Variants in NKAIN2 observed in about 807,000 individuals in gnomAD.
NKAIN2 encodes the protein sodium/potassium-transporting ATPase subunit beta-1-interacting protein 2.
In NKAIN2, 14 loss-of-function variants were observed where a neutral mutation model predicts 32.6. The ratio of observed to expected loss-of-function variants is 0.43; its 90% CI spans 0.28 to 0.67. The LOEUF (loss-of-function observed/expected upper bound fraction) is 0.67. NKAIN2 is among the 30% of genes least tolerant of loss of function. The pLI, the probability that NKAIN2 is intolerant of heterozygous loss-of-function variation, is 0.17. For synonymous variants in NKAIN2, 80 were observed against 87.2 expected (o/e 0.92, Z 0.46); for missense variants, 198 against 258.3 (o/e 0.77, Z 1.60).
chr6:124,274,820 T>G (rs1247597799), intron 1 of NKAIN2, among the ~76,000 whole-genome samples: 3 of 151,860 alleles, frequency 2.0e-5, no homozygotes, highest in African/African-American at 7.3e-5. Flanking sequence ...GATAAAAAAA[T>G]TAAGCTAAAA....
At chr6:124,014,974 ACT>A (rs1562309380) in intron 1 of NKAIN2, among the ~76,000 whole-genome samples, 1 of 152,020 alleles carries the variant, frequency 6.6e-6, no homozygotes, top group Non-Finnish European at 1.5e-5. Context: ...ACTCTTACAC[ACT>A]GTCTCTGATT....
At chr6:123,867,900 G>A (rs1582680579) in intron 1 of NKAIN2, among the ~76,000 whole-genome samples, 1 of 127,318 alleles carries the variant, frequency 7.9e-6, no homozygotes, top group East Asian at 2.3e-4. Context: ...ACAGAGTCTT[G>A]CTCTGTCGCC....
intron 2 of NKAIN2, among the ~76,000 whole-genome samples, chr6:124,285,562 C>T (rs768661769): frequency 6.6e-6 from 1 of 152,108 alleles, no homozygotes; most frequent in Non-Finnish European, 1.5e-5. Flanking sequence ...TGTCATTTGC[C>T]TCCTTATCTC....
chr6:124,067,742 T>C (rs1783259633), intron 1 of NKAIN2, among the ~76,000 whole-genome samples: 1 of 152,202 alleles, frequency 6.6e-6, no homozygotes, highest in East Asian at 1.9e-4. Flanking sequence ...TGACTAGATA[T>C]GTTTTGTCTT....
At chr6:123,863,038 C>T (rs1206281284) in intron 1 of NKAIN2, among the ~76,000 whole-genome samples, 2 of 152,104 alleles carry the variant, frequency 1.3e-5, no homozygotes, top group South Asian at 2.1e-4. Flanking sequence ...CTGTAGGATT[C>T]TCTAGGTGTA....
chr6:124,512,056 A>G (rs947319634), intron 3 of NKAIN2, among the ~76,000 whole-genome samples: 1 of 152,218 alleles, frequency 6.6e-6, no homozygotes, highest in Non-Finnish European at 1.5e-5. Context: ...TCTCCAGAGA[A>G]GATTAATGTC....
At chr6:124,261,731 G>A (rs1391423240) in intron 1 of NKAIN2, among the ~76,000 whole-genome samples, 1 of 152,018 alleles carries the variant, frequency 6.6e-6, no homozygotes, top group Non-Finnish European at 1.5e-5. Context: ...ATTGTGGCGT[G>A]CACCTGTAAT....
chr6:124,668,668 A>G (rs1772941462), intron 4 of NKAIN2, among the ~76,000 whole-genome samples: 1 of 152,170 alleles, frequency 6.6e-6, no homozygotes, highest in African/African-American at 2.4e-5. Flanking sequence ...TAGCATAAAA[A>G]CAATTTTTCC....
At chr6:124,497,706 T>G (rs925904824) in intron 3 of NKAIN2, among the ~76,000 whole-genome samples, 8 of 151,806 alleles carry the variant, frequency 5.3e-5, no homozygotes, top group Non-Finnish European at 1.2e-4. Context: ...CATTTCTCAT[T>G]GCTACAAAGC....
At chr6:124,115,046 G>T (rs1785545883) in intron 1 of NKAIN2, among the ~76,000 whole-genome samples, 1 of 152,022 alleles carries the variant, frequency 6.6e-6, no homozygotes, top group South Asian at 2.1e-4. Context: ...GTATGTATTT[G>T]ACAAGCAAGA....
At chr6:124,279,954 G>T (rs1795217343) in intron 1 of NKAIN2, among the ~76,000 whole-genome samples, 1 of 152,136 alleles carries the variant, frequency 6.6e-6, no homozygotes, top group Non-Finnish European at 1.5e-5. Context: ...TGGTAGCAAA[G>T]AATTGAAAGC....
chr6:124,610,567 C>T (rs949485832), intron 3 of NKAIN2, among the ~76,000 whole-genome samples: 1 of 152,154 alleles, frequency 6.6e-6, no homozygotes, highest in African/African-American at 2.4e-5. Flanking sequence ...GCCTGACTCT[C>T]TCAATTTTAA....
intron 3 of NKAIN2, among the ~76,000 whole-genome samples, chr6:124,446,627 G>A (rs1310899507): frequency 2.0e-5 from 3 of 152,070 alleles, no homozygotes; most frequent in Non-Finnish European, 4.4e-5. Flanking sequence ...ACAGGCATCA[G>A]CCGTCACACC....
intron 3 of NKAIN2, among the ~76,000 whole-genome samples, chr6:124,396,727 GA>G (rs1773399589): frequency 6.6e-6 from 1 of 152,122 alleles, no homozygotes. Flanking sequence ...TGTTGAATTA[GA>G]ATTATGTGTG....
intron 3 of NKAIN2, among the ~76,000 whole-genome samples, chr6:124,501,031 A>G (rs1778271129): frequency 6.6e-6 from 1 of 152,216 alleles, no homozygotes; most frequent in Non-Finnish European, 1.5e-5. Context: ...GTGCGGAGCC[A>G]TTGTACAATA....
At chr6:124,096,198 G>C (rs1352899953) in intron 1 of NKAIN2, among the ~76,000 whole-genome samples, 1 of 152,156 alleles carries the variant, frequency 6.6e-6, no homozygotes, top group African/African-American at 2.4e-5. Flanking sequence ...CATGCAATGT[G>C]ATGGTCTCCA....
chr6:124,412,636 G>T (rs1016674075), intron 3 of NKAIN2, among the ~76,000 whole-genome samples: 5 of 152,176 alleles, frequency 3.3e-5, no homozygotes, highest in South Asian at 2.1e-4. Context: ...CCCACTTGAG[G>T]AGGCAGTCTG....
chr6:124,486,003 C>G (rs1777634079), intron 3 of NKAIN2, among the ~76,000 whole-genome samples: 1 of 152,138 alleles, frequency 6.6e-6, no homozygotes, highest in African/African-American at 2.4e-5. Flanking sequence ...ATTCTGAAAC[C>G]CCTCCATCCT....
At chr6:124,576,706 A>C (rs1341300455) in intron 3 of NKAIN2, among the ~76,000 whole-genome samples, 1 of 152,220 alleles carries the variant, frequency 6.6e-6, no homozygotes, top group African/African-American at 2.4e-5. Flanking sequence ...AACAATGAAA[A>C]GTTCACTGAT....
Sources: gnomAD v4.1 joint callset for allele counts (sites outside exome capture counted in the v4.1 genomes callset) on GRCh38, gnomAD v4.1.1 for gene constraint, MANE v1.5 for transcripts, NCBI Gene and HGNC (gene_info 2026-07-23, HGNC 2026-07-21) for gene names.